Variants in GAS7 observed in about 807,000 individuals in gnomAD.
The protein encoded by GAS7 is growth arrest-specific protein 7.
In GAS7, 28 loss-of-function variants were observed where a neutral mutation model predicts 71.1. That is an observed-to-expected ratio of 0.39 (90% CI 0.29 to 0.54). GAS7 has a LOEUF of 0.54. Ranked by LOEUF, GAS7 falls within the 20% of genes least tolerant of loss-of-function variation. The pLI, the probability that GAS7 is intolerant of heterozygous loss-of-function variation, is 0.62. For synonymous variants in GAS7, 258 were observed against 245.8 expected, an observed-to-expected ratio of 1.05 and a Z score of -0.46; for missense variants, 436 against 627.8, an observed-to-expected ratio of 0.69 and a Z score of 3.27.
chr17:10,007,625 CAAAAA>C (rs201254619), intron 2 of GAS7, among the ~76,000 whole-genome samples: 1 of 46,600 alleles, frequency 2.1e-5, no homozygotes, highest in African/African-American at 6.9e-5. Flanking sequence ...GATTCTGTCT[CAAAAA>C]AAAAAAAAAA....
intron 11 of GAS7, among the ~76,000 whole-genome samples, chr17:9,921,893 A>G (rs1233936782): frequency 6.8e-6 from 1 of 147,946 alleles, no homozygotes; most frequent in East Asian, 2.0e-4. Flanking sequence ...AGGGAGGCGG[A>G]GCTTGCAGTG....
At chr17:10,035,809 C>T (rs1216517390) in intron 1 of GAS7, among the ~76,000 whole-genome samples, 1 of 152,144 alleles carries the variant, frequency 6.6e-6, no homozygotes, top group East Asian at 1.9e-4. Context: ...TTGCAGCCTC[C>T]ACCACCAAGC....
chr17:10,154,371 G>A (rs2074188946), intron 1 of GAS7, among the ~76,000 whole-genome samples: 1 of 152,004 alleles, frequency 6.6e-6, no homozygotes, highest in Non-Finnish European at 1.5e-5. Flanking sequence ...AGGCATGGTA[G>A]CAAACATCTG....
chr17:10,181,400 T>C (rs764125378), intron 1 of GAS7, among the ~76,000 whole-genome samples: 2 of 149,038 alleles, frequency 1.3e-5, no homozygotes, highest in African/African-American at 2.5e-5. Flanking sequence ...TATATCTCAA[T>C]AGAGCTGTCA....
Position 10,034,344 on chromosome 17 carries a change from T to C in GAS7, c.184-14447A>G. On this transcript the variant is annotated intron_variant, in intron 1 of 13. Coordinates refer to ENST00000432992, the MANE Select transcript of GAS7 (RefSeq NM_201433.2). This position sits in a 1 kb window ranked among gnomAD's most constrained non-coding sequence, Gnocchi z 4.4. ...TTTTTTTTTTTAGACAGTCTTGCTGTGTCACCCAGGCTGGAGTGCAGTGGC... is the reference window on the plus strand; with the variant it reads ...TTTTTTTTTTTAGACAGTCTTGCTGCGTCACCCAGGCTGGAGTGCAGTGGC... 2.1e-6 allele frequency: 1 copy of C among 471,822 alleles called. No homozygotes were observed. Among genetic ancestry groups the C allele is most frequent in the Non-Finnish European group, 2.8e-6 (1 of 361,000 alleles). 29.2% of individuals were successfully genotyped at this position (471,822 alleles called of 1,614,324 possible).
intron 1 of GAS7, among the ~76,000 whole-genome samples, chr17:10,046,834 AAGGAAGGAAG>A (rs1567567223): frequency 1.5e-5 from 2 of 132,280 alleles, no homozygotes; most frequent in Admixed American, 7.3e-5. Context: ...GGAAGGAAGG[AAGGAAGGAAG>A]GAAAGAAAAG....
chr17:10,053,379 T>C (rs541935379), intron 1 of GAS7, among the ~76,000 whole-genome samples: 2 of 152,328 alleles, frequency 1.3e-5, no homozygotes, highest in East Asian at 1.9e-4. Context: ...TGATCTTCTA[T>C]GAAAACAGCA....
intron 1 of GAS7, among the ~76,000 whole-genome samples, chr17:10,075,746 G>C (rs1253934530): frequency 6.6e-6 from 1 of 151,056 alleles, no homozygotes; most frequent in African/African-American, 2.4e-5. Flanking sequence ...AGTGAGTTAT[G>C]ACTGTCCCCC....
chr17:10,134,132 G>A (rs1049645269), intron 1 of GAS7, among the ~76,000 whole-genome samples: 2 of 152,076 alleles, frequency 1.3e-5, no homozygotes, highest in African/African-American at 4.8e-5. Context: ...CCGGGTTCAT[G>A]CCATTCTCCT....
In GAS7 at chr17:10,168,919, G is replaced by A. The variant is rs560631083; in HGVS notation, c.183+29289C>T. ...TGGGAGGCAGAGCTTGCAGTGAGCCGAGATCACGCCACTGCACTCCAGCGT... is the reference window on the plus strand; with the variant it reads ...TGGGAGGCAGAGCTTGCAGTGAGCCAAGATCACGCCACTGCACTCCAGCGT... On this transcript the variant is annotated intron_variant, in intron 1 of 13. Coordinates refer to ENST00000432992, the MANE Select transcript of GAS7 (RefSeq NM_201433.2). Among the ~76,000 whole-genome samples the A allele has an allele frequency of 1.3e-4, 19 of 147,454 alleles. No homozygotes were observed. In the East Asian group the frequency reaches 2.8e-3, roughly 22 times the overall value.
At chr17:9,994,535 A>G (rs1411469652) in intron 2 of GAS7, among the ~76,000 whole-genome samples, 1 of 146,374 alleles carries the variant, frequency 6.8e-6, no homozygotes, top group Non-Finnish European at 1.5e-5. Context: ...TCAATTCAAG[A>G]TGGATTAAAG....
At chr17:9,975,902 G>C (rs1291881345) in intron 3 of GAS7, among the ~76,000 whole-genome samples, 10 of 152,194 alleles carry the variant, frequency 6.6e-5, no homozygotes, top group Non-Finnish European at 1.5e-5. Flanking sequence ...GCCACAGAAT[G>C]CAAGGTTTGA....
intron 6 of GAS7, among the ~76,000 whole-genome samples, chr17:9,944,327 T>C (rs187713239): frequency 6.6e-6 from 1 of 152,140 alleles, no homozygotes; most frequent in Non-Finnish European, 1.5e-5. Flanking sequence ...TGGAAGGTGT[T>C]CAGAACAGGT....
At position 9,926,533 on chromosome 17, in the gene GAS7, G is replaced by T; in HGVS notation, c.1014+108C>A. On this transcript the variant is annotated intron_variant, in intron 10 of 13. Transcript: ENST00000432992. The surrounding 1 kb of genome is among the most constrained non-coding windows in gnomAD (Gnocchi z 5.0). ...ACATCCCCCTATTCCCCTACCTGGG[G>T]ACAAAGACTCAGCCTTGGCGTATGG... 2 of 1,207,952 alleles carry T rather than the reference G, an allele frequency of 1.7e-6. No homozygotes were observed. The highest frequency in any genetic ancestry group is 1.3e-5 in the South Asian group (1 of 78,060). 74.8% of individuals were successfully genotyped at this position (1,207,952 alleles called of 1,614,324 possible). A position where few individuals can be genotyped will look rare whatever the true frequency, so the allele number is the denominator to read the frequency against.
chr17:10,144,856 C>A (rs910958276), intron 1 of GAS7, among the ~76,000 whole-genome samples: 1 of 152,024 alleles, frequency 6.6e-6, no homozygotes, highest in African/African-American at 2.4e-5. Flanking sequence ...CCAGTTGTTA[C>A]ATTTCTAAAA....
chr17:10,021,087 CAG>C (rs935711629), intron 1 of GAS7, among the ~76,000 whole-genome samples: 4 of 152,102 alleles, frequency 2.6e-5, no homozygotes, highest in Admixed American at 6.6e-5. Flanking sequence ...AAAATTAGGA[CAG>C]AGAGTCCAAA....
intron 4 of GAS7, among the ~76,000 whole-genome samples, chr17:9,967,908 T>C (rs2069788249): frequency 6.6e-6 from 1 of 152,256 alleles, no homozygotes; most frequent in East Asian, 1.9e-4. Context: ...TTAAATCAGC[T>C]TCTGAGATAT....
chr17:9,956,834 C>T (rs549959987), intron 5 of GAS7, among the ~76,000 whole-genome samples: 45 of 152,352 alleles, frequency 3.0e-4, no homozygotes, highest in African/African-American at 9.6e-4. Context: ...AGGAAGTTCA[C>T]GCCCCAGCCT....
chr17:10,159,814 C>G (rs1332432047), intron 1 of GAS7, among the ~76,000 whole-genome samples: 2 of 129,140 alleles, frequency 1.5e-5, no homozygotes, highest in Non-Finnish European at 3.1e-5. Flanking sequence ...GAGACAGTGT[C>G]TCACTCTGTC....
Sources: allele counts gnomAD v4.1 joint callset (sites outside exome capture counted in the v4.1 genomes callset), GRCh38; gene constraint gnomAD v4.1.1; non-coding constraint Gnocchi (gnomAD v3.1); transcripts MANE v1.5; gene names NCBI Gene and HGNC (gene_info 2026-07-23, HGNC 2026-07-21).